Variants in TMTC1 observed in about 807,000 individuals in gnomAD.
TMTC1 encodes the protein protein O-mannosyl-transferase TMTC1.
A neutral mutation model predicts 104.8 loss-of-function variants in TMTC1; 73 were observed. The ratio of observed to expected loss-of-function variants is 0.70; its 90% CI spans 0.58 to 0.85. The LOEUF (loss-of-function observed/expected upper bound fraction) is 0.85, where lower values mean the gene tolerates loss of function less well. Ranked by LOEUF, TMTC1 falls within the 40% of genes least tolerant of loss-of-function variation. The pLI, the probability that TMTC1 is intolerant of heterozygous loss-of-function variation, is 0.00. For missense variants in TMTC1, 1,035 were observed against 1,096.1 expected (o/e 0.94, Z 0.79); for synonymous variants, 434 against 428.7 (o/e 1.01, Z -0.15).
intron 5 of TMTC1, among the ~76,000 whole-genome samples, chr12:29,701,298 T>A (rs1257774678): frequency 1.3e-5 from 2 of 152,100 alleles, no homozygotes; most frequent in South Asian, 2.1e-4. Context: ...AGCTCCTGCA[T>A]CCTCGAAGTC....
At chr12:29,768,174 AT>A in intron 1 of TMTC1, 99 bp from the exon 2 acceptor site, 1 of 898,248 alleles carries the variant, frequency 1.1e-6, no homozygotes, top group Non-Finnish European at 1.6e-6. Flanking sequence ...AAGATAAGCT[AT>A]TAGATTAATG....
At chr12:29,624,918 T>C (rs1409607315) in intron 6 of TMTC1, among the ~76,000 whole-genome samples, 3 of 152,310 alleles carry the variant, frequency 2.0e-5, no homozygotes, top group Admixed American at 2.0e-4. Context: ...TTTTCTATGA[T>C]TGAGAATCAA....
In TMTC1 at chr12:29,632,197, CTT is replaced by C. The variant is rs1168593461; in HGVS notation, c.1128+948_1128+949del. 5.9e-5 allele frequency among the ~76,000 whole-genome samples: 9 copies of C among 152,300 alleles called. No homozygotes were observed. The East Asian group carries it at 1.7e-3, about 29-fold the overall frequency. On this transcript the variant is annotated intron_variant, in intron 6 of 17. Transcript: ENST00000539277. Reference sequence around the variant, plus strand: ...TTACCAGCCAATTCCAACCAGTAAACTTATTAATTTTTACTGCTAGATCTGAC... The same window carrying C: ...TTACCAGCCAATTCCAACCAGTAAACATTAATTTTTACTGCTAGATCTGAC...
At chr12:29,535,761 C>T in intron 11 of TMTC1, 1 of 160,744 alleles carries the variant, frequency 6.2e-6, no homozygotes, top group Non-Finnish European at 1.3e-5. Flanking sequence ...CTGTTTTATG[C>T]CATAAAAACT....
chr12:29,756,851 G>C (rs934191922), intron 3 of TMTC1, among the ~76,000 whole-genome samples: 9 of 151,998 alleles, frequency 5.9e-5, no homozygotes, highest in African/African-American at 2.2e-4. Context: ...TTTTTCTATT[G>C]AGTTGGTCTA....
At chr12:29,643,831 A>ATATATT (rs1405470905) in intron 5 of TMTC1, among the ~76,000 whole-genome samples, 5 of 70,034 alleles carry the variant, frequency 7.1e-5, no homozygotes, top group African/African-American at 1.7e-4. Context: ...TTATATATTT[A>ATATATT]TATATATTTA....
At chr12:29,612,018 G>T (rs751123224) in intron 6 of TMTC1, among the ~76,000 whole-genome samples, 16 of 152,216 alleles carry the variant, frequency 1.1e-4, no homozygotes, top group Non-Finnish European at 2.1e-4. Flanking sequence ...ACTTCTCTTA[G>T]TTGATCCAAT....
chr12:29,604,258 C>T lies in TMTC1; in HGVS notation c.1170G>A (p.Leu390=). 2 of 1,613,946 alleles carry T rather than the reference C, an allele frequency of 1.2e-6. No individual in the cohort carries two copies. Among genetic ancestry groups the T allele is most frequent in the East Asian group, 4.5e-5 (2 of 44,852 alleles). ...HKEVLVGLLF[L]VFPFIPASNL... is the part of the protein sequence containing the mutation. Reference sequence around the variant, plus strand: ...TGCTGGCTGGAATGAACGGGAACACCAGGAACAACAAGCCGACTAAAACCT... The same window carrying T: ...TGCTGGCTGGAATGAACGGGAACACTAGGAACAACAAGCCGACTAAAACCT... The change falls in exon 7 of 18, where the codon CTG becomes CTA. Residue 390 remains leucine (L), a synonymous_variant. Coordinates refer to ENST00000539277, the MANE Select transcript of TMTC1 (RefSeq NM_001193451.2).
chr12:29,719,387 C>CA (rs1942172833), intron 5 of TMTC1, among the ~76,000 whole-genome samples: 1 of 152,134 alleles, frequency 6.6e-6, no homozygotes, highest in African/African-American at 2.4e-5. Flanking sequence ...GGGAATAGTA[C>CA]AAAACCCAGG....
At chr12:29,632,313 G>C (rs759049946) in intron 6 of TMTC1, among the ~76,000 whole-genome samples, 15 of 152,198 alleles carry the variant, frequency 9.9e-5, no homozygotes, top group Admixed American at 2.0e-4. Context: ...TTGCTGAAAT[G>C]ATTTGTCTGT....
intron 6 of TMTC1, chr12:29,610,113 T>G (rs1946805464): frequency 6.6e-6 from 1 of 152,262 alleles, no homozygotes; most frequent in Admixed American, 6.5e-5. Context: ...ATCACCTCAC[T>G]GGTCGCACCA....
chr12:29,553,846 T>A (rs1945168773), intron 10 of TMTC1, among the ~76,000 whole-genome samples: 1 of 152,182 alleles, frequency 6.6e-6, no homozygotes, highest in Admixed American at 6.5e-5. Context: ...TTTGCTCAGG[T>A]CTTAGCAAAA....
chr12:29,707,856 C>T (rs1462682371), intron 5 of TMTC1, among the ~76,000 whole-genome samples: 1 of 152,200 alleles, frequency 6.6e-6, no homozygotes, highest in Non-Finnish European at 1.5e-5. Context: ...GGTCCTCTCT[C>T]CCGCTTTTCT....
At chr12:29,720,675 G>C (rs1487315862) in intron 5 of TMTC1, among the ~76,000 whole-genome samples, 1 of 151,822 alleles carries the variant, frequency 6.6e-6, no homozygotes, top group African/African-American at 2.4e-5. Context: ...ATGGGGGAGA[G>C]TAAGAAAATT....
chr12:29,631,583 A>G (rs993882397), intron 6 of TMTC1, among the ~76,000 whole-genome samples: 4 of 151,978 alleles, frequency 2.6e-5, no homozygotes, highest in Non-Finnish European at 5.9e-5. Context: ...ATTCTATTCC[A>G]TTTCCTATTG....
At chr12:29,633,652 G>A (rs1316168759) in intron 5 of TMTC1, among the ~76,000 whole-genome samples, 1 of 152,156 alleles carries the variant, frequency 6.6e-6, no homozygotes, top group African/African-American at 2.4e-5. Flanking sequence ...TGCTAGGAAG[G>A]AAAAGAGACA....
At chr12:29,696,662 G>A (rs1319011370) in intron 5 of TMTC1, among the ~76,000 whole-genome samples, 1 of 152,108 alleles carries the variant, frequency 6.6e-6, no homozygotes, top group Admixed American at 6.6e-5. Context: ...AATTTTTAAA[G>A]TTTAAGGAAT....
chr12:29,684,707 T>C (rs1043813792), intron 5 of TMTC1, among the ~76,000 whole-genome samples: 1 of 152,198 alleles, frequency 6.6e-6, no homozygotes. Context: ...TTGACTGTGC[T>C]ACTATGAGCT....
intron 5 of TMTC1, among the ~76,000 whole-genome samples, chr12:29,714,621 T>C (rs1348036780): frequency 3.9e-5 from 6 of 152,200 alleles, no homozygotes; most frequent in African/African-American, 1.4e-4. Context: ...AAAATAGTTT[T>C]TACCTCACAG....
Sources: gnomAD v4.1 joint callset for allele counts (sites outside exome capture counted in the v4.1 genomes callset) on GRCh38, gnomAD v4.1.1 for gene constraint, MANE v1.5 for transcripts, NCBI Gene and HGNC (gene_info 2026-07-23, HGNC 2026-07-21) for gene names.